Variants in ZNF746 observed in about 807,000 individuals in gnomAD.
ZNF746 encodes parkin-interacting substrate.
ZNF746 carries 13 observed loss-of-function variants against 41.0 expected under a neutral mutation model. That is an observed-to-expected ratio of 0.32 (90% CI 0.21 to 0.50). The LOEUF is 0.50. Among genes scored for constraint, ZNF746 ranks in the 20% least tolerant of loss-of-function variants. The pLI is 0.98. For missense variants in ZNF746, 811 were observed against 922.9 expected, an observed-to-expected ratio of 0.88 and a Z score of 1.57; for synonymous variants, 424 against 396.2, an observed-to-expected ratio of 1.07 and a Z score of -0.83.
rs538743765 is a variant in ZNF746, at chr7:149,497,573, T to A, written c.-37A>T. The A allele has an allele frequency of 1.9e-4, 204 of 1,048,736 alleles. No individual in the cohort carries two copies. The African/African-American group carries it at 3.4e-3, about 17-fold the overall frequency. 65.0% of individuals were successfully genotyped at this position (1,048,736 alleles called of 1,614,324 possible). ...GTCCCGCCCGGCCCGGAGGAAGTCG[T>A]CGTCGCCGCCGCCGCGCGCGGCACC... On this transcript the variant is annotated 5_prime_UTR_variant, in exon 1 of 7. Coordinates refer to ENST00000458143, the MANE Select transcript of ZNF746 (RefSeq NM_001394198.1). This position sits in a 1 kb window ranked among gnomAD's most constrained non-coding sequence, Gnocchi z 4.2.
intron 4 of ZNF746, among the ~76,000 whole-genome samples, chr7:149,480,475 C>T (rs564109832): frequency 3.3e-5 from 5 of 152,218 alleles, no homozygotes; most frequent in Admixed American, 2.0e-4. Context: ...CTCTGTTGCC[C>T]AGGCTGGAGT....
At position 149,494,139 on chromosome 7, in the gene ZNF746, G is replaced by A. The variant is rs1800904541; in HGVS notation, c.325-24C>T. 9.3e-6 allele frequency: 15 copies of A among 1,613,990 alleles called. 1 individual carries two copies. In the South Asian group the frequency reaches 9.9e-5, roughly 11 times the overall value. Reference sequence around the variant, plus strand: ...ACCTGGAACCACAAGTGTCACACTCGCTCACCCACACGCTCACGGGTTTGG... The same window carrying A: ...ACCTGGAACCACAAGTGTCACACTCACTCACCCACACGCTCACGGGTTTGG... On this transcript the variant is annotated intron_variant, in intron 2 of 6. Coordinates refer to ENST00000458143, the MANE Select transcript of ZNF746 (RefSeq NM_001394198.1). This position sits in a 1 kb window ranked among gnomAD's most constrained non-coding sequence, Gnocchi z 5.6.
chr7:149,486,752 A>G (rs950638269), intron 4 of ZNF746, among the ~76,000 whole-genome samples: 1 of 152,222 alleles, frequency 6.6e-6, no homozygotes, highest in South Asian at 2.1e-4. Context: ...TATGTATACT[A>G]TAAGAGGAAG....
rs775948851 is a variant in ZNF746 at position 149,492,837 on chromosome 7, C to T, written c.565+22G>A. 4 of 1,566,590 alleles carry T rather than the reference C, an allele frequency of 2.6e-6. No individual in the cohort carries two copies. The African/African-American group carries it at 4.0e-5, about 16-fold the overall frequency. On this transcript the variant is annotated intron_variant, in intron 4 of 6. Coordinates refer to ENST00000458143, the MANE Select transcript of ZNF746 (RefSeq NM_001394198.1). ...TTCCTGCACAATACCTGATGCCTCC[C>T]TGGCCTTCTCCCAGCCCTTACCTGG... is the stretch of plus-strand genomic sequence containing the variant.
At chr7:149,476,405 A>T (rs1282171675) in intron 6 of ZNF746, among the ~76,000 whole-genome samples, 1 of 149,812 alleles carries the variant, frequency 6.7e-6, no homozygotes, top group Non-Finnish European at 1.5e-5. Context: ...CACATCAGGG[A>T]TCTTGGCTAT....
intron 4 of ZNF746, 53 bp downstream of exon 4, chr7:149,492,806 C>G (rs1469031124): frequency 7.6e-7 from 1 of 1,310,762 alleles, no homozygotes; most frequent in African/African-American, 1.4e-5. Flanking sequence ...GCCTTTCCGT[C>G]TCTGTTTCCT....
At position 149,474,489 on chromosome 7, in the gene ZNF746, G is replaced by A. The variant is rs199742361; in HGVS notation, c.1878C>T (p.Pro626=). The change falls in exon 7 of 7, where the codon CCC becomes CCT. Residue 626 remains proline, a synonymous_variant. Transcript: ENST00000458143. This position sits in a 1 kb window ranked among gnomAD's most constrained non-coding sequence, Gnocchi z 6.3. ...PLPTPPAPPD[P]FKSPASKGPL... The stretch of plus-strand genomic sequence containing the variant: ...GTCCTTTGGAGGCGGGGCTCTTGAA[G>A]GGATCAGGAGGTGCGGGCGGCGTCG... 7 of 1,610,640 alleles carry A rather than the reference G, an allele frequency of 4.3e-6. No homozygotes were observed. The highest frequency in any genetic ancestry group is 5.9e-6 in the Non-Finnish European group (7 of 1,178,438).
At chr7:149,493,099 C>A (rs1342203597) in intron 3 of ZNF746, 127 bp from the exon 4 acceptor site, 2 of 679,124 alleles carry the variant, frequency 2.9e-6, no homozygotes, top group Non-Finnish European at 5.1e-6. Context: ...CTCTCAACCA[C>A]AGGCAATTTT....
chr7:149,482,406 T>C (rs899309060), intron 4 of ZNF746, among the ~76,000 whole-genome samples: 1 of 150,410 alleles, frequency 6.6e-6, no homozygotes, highest in East Asian at 1.9e-4. Context: ...AAAATATTCA[T>C]AGAAATAAAA....
chr7:149,477,747 GC>G lies in ZNF746; in HGVS notation c.573del (p.Pro193GlnfsTer8). ...DVPVDPSPGS[G>X]PPVPAPDLLM... ...AAGAGGTCTGGGGCGGGAACTGGGG[GC>G]CCCGAGCCTAGGAAAGGGAGTGAGT... On this transcript the variant is annotated frameshift_variant, in exon 5 of 7. Coordinates refer to ENST00000458143, the MANE Select transcript of ZNF746 (RefSeq NM_001394198.1). LOFTEE classifies it high-confidence loss of function. 6.2e-7 allele frequency: 1 copy of G among 1,603,580 alleles called. No homozygotes were observed.
chr7:149,474,739 C>T lies in ZNF746; in HGVS notation c.1628G>A (p.Arg543His). ...CTCGCCGGTGTGCAGCATGCGATGG[C>T]GGATGAGGTGCGCGGGGCGCGTGAA... The part of the protein sequence containing the change: ...RCFTRPAHLI[R>H]HRMLHTGERP... The change falls in exon 7 of 7, where the codon CGC (arginine) becomes CAC (histidine). Residue 543 changes from arginine (R) to histidine (H), a missense_variant. By Grantham distance (29) the Arg-to-His change is conservative. Coordinates refer to ENST00000458143, the MANE Select transcript of ZNF746 (RefSeq NM_001394198.1). This position sits in a 1 kb window ranked among gnomAD's most constrained non-coding sequence, Gnocchi z 6.3. The T allele has an allele frequency of 6.2e-7, 1 of 1,607,894 alleles. No homozygotes were observed. The highest frequency in any genetic ancestry group is 8.5e-7 in the Non-Finnish European group (1 of 1,178,634).
chr7:149,493,611 A>T (rs1800885816), intron 3 of ZNF746, among the ~76,000 whole-genome samples: 4 of 152,244 alleles, frequency 2.6e-5, no homozygotes, highest in Non-Finnish European at 5.9e-5. Flanking sequence ...ATGTTGCCGT[A>T]AGGGCCACGC....
chr7:149,474,376 G>A lies in ZNF746; in HGVS notation c.*8C>T, dbSNP rs753129315. 1.3e-6 allele frequency: 2 copies of A among 1,599,240 alleles called. No homozygotes were observed. Among genetic ancestry groups the A allele is most frequent in the Admixed American group, 3.4e-5 (2 of 58,230 alleles). ...TGCGGCCGGCAGGGGCTATGGGGCT[G>A]GAGGCGCTCACATGTCCCCGCCATC... On this transcript the variant is annotated 3_prime_UTR_variant, in exon 7 of 7. Coordinates refer to ENST00000458143, the MANE Select transcript of ZNF746 (RefSeq NM_001394198.1). This position sits in a 1 kb window ranked among gnomAD's most constrained non-coding sequence, Gnocchi z 6.3.
Position 149,483,404 on chromosome 7 carries a change from C to T in ZNF746, c.566-5649G>A, listed in dbSNP as rs567651401. Among the ~76,000 whole-genome samples the T allele has an allele frequency of 2.7e-4, 41 of 152,032 alleles. 1 individual carries two copies. The highest frequency in any genetic ancestry group is 8.2e-4 in the African/African-American group (34 of 41,496). The stretch of plus-strand genomic sequence containing the variant: ...GAGGTGGATCACGAGGTCAGGAGAT[C>T]GAGATGATCCTGGCCAACATGGTGA... On this transcript the variant is annotated intron_variant, in intron 4 of 6. Coordinates refer to ENST00000458143, the MANE Select transcript of ZNF746 (RefSeq NM_001394198.1).
At chr7:149,487,659 G>A (rs1245956141) in intron 4 of ZNF746, 1 of 152,028 alleles carries the variant, frequency 6.6e-6, no homozygotes, top group Non-Finnish European at 1.5e-5. Context: ...AAAGTCAACA[G>A]CATACCTGTA....
Position 149,494,613 on chromosome 7 carries a change from C to T in ZNF746, c.25-110G>A, listed in dbSNP as rs1365355637. ...TGGGCTGGGAGTCCATATGTGTGGACAAGTGGGGCTATCCTATACCACATG... is the reference window on the plus strand; with the variant it reads ...TGGGCTGGGAGTCCATATGTGTGGATAAGTGGGGCTATCCTATACCACATG... On this transcript the variant is annotated intron_variant, in intron 1 of 6. Transcript: ENST00000458143. This position sits in a 1 kb window ranked among gnomAD's most constrained non-coding sequence, Gnocchi z 5.6. The T allele has an allele frequency of 6.8e-5, 81 of 1,190,284 alleles. No individual in the cohort carries two copies. Among genetic ancestry groups the T allele is most frequent in the Non-Finnish European group, 9.0e-5 (75 of 831,306 alleles). The allele number at this position is 1,190,284 out of a possible 1,614,324, so 73.7% of individuals were successfully genotyped here. A position where few individuals can be genotyped will look rare whatever the true frequency, so the allele number is the denominator to read the frequency against.
At position 149,497,330 on chromosome 7, in the gene ZNF746, G is replaced by GGGGCCCGGCCGACGGGCGCAGTA; in HGVS notation, c.24+160_24+182dup. 17 of 983,986 alleles carry GGGGCCCGGCCGACGGGCGCAGTA rather than the reference G, an allele frequency of 1.7e-5. No individual in the cohort carries two copies. Among genetic ancestry groups the GGGGCCCGGCCGACGGGCGCAGTA allele is most frequent in the Non-Finnish European group, 2.1e-5 (17 of 828,818 alleles). 61.0% of individuals were successfully genotyped at this position (983,986 alleles called of 1,614,324 possible). A position where few individuals can be genotyped will look rare whatever the true frequency, so the allele number is the denominator to read the frequency against. On this transcript the variant is annotated intron_variant, in intron 1 of 6. Transcript: ENST00000458143. This position sits in a 1 kb window ranked among gnomAD's most constrained non-coding sequence, Gnocchi z 4.2. ...CAGCGCTCGGGTTCGGCTCGGAGTGGGGGCCCGGCCGACGGGCGCAGTAGG... is the reference window on the plus strand; with the variant it reads ...CAGCGCTCGGGTTCGGCTCGGAGTGGGGGCCCGGCCGACGGGCGCAGTAGGGCCCGGCCGACGGGCGCAGTAGG...
Position 149,474,326 on chromosome 7 carries a change from G to T in ZNF746, c.*58C>A. ...CCTGAAGCTTCCACGCCGCCCTGCT[G>T]CCTGCACACGGGGCTTTTTACACGT... On this transcript the variant is annotated 3_prime_UTR_variant, in exon 7 of 7. Coordinates refer to ENST00000458143, the MANE Select transcript of ZNF746 (RefSeq NM_001394198.1). This position sits in a 1 kb window ranked among gnomAD's most constrained non-coding sequence, Gnocchi z 6.3. The T allele has an allele frequency of 1.3e-6, 2 of 1,549,400 alleles. No homozygotes were observed. The highest frequency in any genetic ancestry group is 1.7e-6 in the Non-Finnish European group (2 of 1,145,654).
intron 4 of ZNF746, 33 bp downstream of exon 4, chr7:149,492,826 C>T (rs748565739): frequency 2.1e-5 from 31 of 1,482,808 alleles, no homozygotes; most frequent in Middle Eastern, 4.0e-4. Flanking sequence ...TGCACAATAC[C>T]TGATGCCTCC....
Sources: gnomAD v4.1 joint callset for allele counts (sites outside exome capture counted in the v4.1 genomes callset) on GRCh38, gnomAD v4.1.1 for gene constraint, Gnocchi (gnomAD v3.1) non-coding constraint, MANE v1.5 for transcripts, NCBI Gene and HGNC (gene_info 2026-07-23, HGNC 2026-07-21) for gene names.